The following BTNL3 variants were observed in gnomAD, a reference collection of about 807,000 sequenced individuals.
BTNL3 encodes butyrophilin-like protein 3.
Under a neutral mutation model 40.1 loss-of-function variants are expected in BTNL3, and 20 were observed. The ratio of observed to expected loss-of-function variants is 0.50; its 90% CI spans 0.35 to 0.72. The LOEUF (loss-of-function observed/expected upper bound fraction) is 0.72. BTNL3 is among the 30% of genes least tolerant of loss of function. The pLI, the probability that BTNL3 is intolerant of heterozygous loss-of-function variation, is 0.01. For missense variants in BTNL3, 449 were observed against 582.2 expected (o/e 0.77, Z 2.35); for synonymous variants, 179 against 222.1 (o/e 0.81, Z 1.73).
intron 3 of BTNL3, among the ~76,000 whole-genome samples, chr5:180,997,698 G>C (rs536360746): frequency 7.3e-6 from 1 of 137,254 alleles, no homozygotes; most frequent in Admixed American, 7.7e-5. Context: ...GTAGAATTAA[G>C]TATTTCCTTC....
chr5:180,998,885 G>A (rs1760069276), intron 3 of BTNL3, among the ~76,000 whole-genome samples: 1 of 137,442 alleles, frequency 7.3e-6, no homozygotes, highest in South Asian at 2.2e-4. Flanking sequence ...CCAGCACTTT[G>A]GAAGGCCAAG....
At chr5:180,993,229 T>G in intron 2 of BTNL3, 69 bp downstream of exon 2, 1 of 1,366,506 alleles carries the variant, frequency 7.3e-7, no homozygotes, top group Non-Finnish European at 9.9e-7. Context: ...TTAAAAGTAT[T>G]TCAGATAATG....
chr5:181,005,670 C>T lies in BTNL3; in HGVS notation c.1199C>T (p.Pro400Leu). ...TFNPHFISLP[P>L]STPPTRVGVF... ...AATCCCCATTTTATCAGCCTCCCCC[C>T]CAGCACCCCTCCTACACGAGTAGGG... Residue 400 changes from proline to leucine, a missense_variant, in exon 8 of 8, where the codon CCC (proline) becomes CTC (leucine). Pro to Leu is a moderately conservative substitution (Grantham distance 98). Transcript: ENST00000342868. The T allele has an allele frequency of 6.2e-7, 1 of 1,614,106 alleles. No individual in the cohort carries two copies. Among genetic ancestry groups the T allele is most frequent in the Non-Finnish European group, 8.5e-7 (1 of 1,180,008 alleles).
In BTNL3 at chr5:181,000,521, C is replaced by T. The variant is rs1473117476; in HGVS notation, c.674-2151C>T. 1.5e-5 allele frequency among the ~76,000 whole-genome samples: 2 copies of T among 136,994 alleles called. 1 individual carries two copies. Among genetic ancestry groups the T allele is most frequent in the Non-Finnish European group, 3.3e-5 (2 of 59,942 alleles). 89.9% of individuals were successfully genotyped at this position (136,994 alleles called of 152,430 possible). Reference sequence around the variant, plus strand: ...CATAATGTGTCATTTAAAATCATAACATAGGCCGGGCGCGGTGGCTCACGC... The same window carrying T: ...CATAATGTGTCATTTAAAATCATAATATAGGCCGGGCGCGGTGGCTCACGC... On this transcript the variant is annotated intron_variant, in intron 3 of 7. Transcript: ENST00000342868.
rs1759984116 is a variant in BTNL3 at position 180,992,677 on chromosome 5, G to A, written c.50-136G>A. Reference sequence around the variant, plus strand: ...AAGCATTCTCGCAAGTGTAAGATGTGCAAATGCAAGTCATCAGGTTTAGAA... The same window carrying A: ...AAGCATTCTCGCAAGTGTAAGATGTACAAATGCAAGTCATCAGGTTTAGAA... On this transcript the variant is annotated intron_variant, in intron 1 of 7. Transcript: ENST00000342868. The A allele has an allele frequency of 5.4e-6, 6 of 1,101,590 alleles. 1 individual carries two copies. In the Admixed American group the frequency reaches 1.5e-4, roughly 27 times the overall value. The allele number at this position is 1,101,590 out of a possible 1,614,324, so 68.2% of individuals were successfully genotyped here. A position where few individuals can be genotyped will look rare whatever the true frequency, so the allele number is the denominator to read the frequency against.
At chr5:181,003,121 C>T (rs933381565) in intron 4 of BTNL3, among the ~76,000 whole-genome samples, 1 of 135,846 alleles carries the variant, frequency 7.4e-6, no homozygotes, top group African/African-American at 2.5e-5. Flanking sequence ...TTTGGGAGGC[C>T]GATGTGGGAG....
At chr5:181,004,265 CTAAA>C (rs1760176154) in intron 5 of BTNL3, among the ~76,000 whole-genome samples, 148 bp from the exon 6 acceptor site, 1 of 147,606 alleles carries the variant, frequency 6.8e-6, no homozygotes, top group African/African-American at 2.5e-5. Context: ...GTATCAACCA[CTAAA>C]TAGTCTGCTT....
intron 4 of BTNL3, among the ~76,000 whole-genome samples, chr5:181,003,021 A>G (rs564521975): frequency 7.4e-6 from 1 of 135,610 alleles, no homozygotes; most frequent in South Asian, 2.2e-4. Flanking sequence ...GCACAGGATA[A>G]GCAGATAATT....
chr5:181,004,838 T>C (rs1167995565), intron 7 of BTNL3, 76 bp downstream of exon 7: 4 of 1,613,494 alleles, frequency 2.5e-6, no homozygotes, highest in Admixed American at 3.3e-5. Context: ...CCCATCCAGC[T>C]TGTAGACAGC....
At chr5:180,997,183 T>G (rs776456516) in intron 2 of BTNL3, 30 bp from the exon 3 acceptor site, 1 of 1,463,226 alleles carries the variant, frequency 6.8e-7, no homozygotes, top group Non-Finnish European at 9.4e-7. Context: ...ATTTGGTCTT[T>G]GCTTTCATCT....
At chr5:180,999,587 G>A (rs1045708434) in intron 3 of BTNL3, among the ~76,000 whole-genome samples, 1 of 136,822 alleles carries the variant, frequency 7.3e-6, no homozygotes, top group African/African-American at 2.5e-5. Context: ...ATCGCTTGAG[G>A]TCAGGAGTTT....
intron 4 of BTNL3, among the ~76,000 whole-genome samples, chr5:181,003,243 G>C (rs570429816): frequency 2.2e-5 from 3 of 134,378 alleles, no homozygotes; most frequent in African/African-American, 7.7e-5. Flanking sequence ...GTGGTGGTGC[G>C]TGACTGTGGT....
chr5:180,991,979 G>A (rs187263898), intron 1 of BTNL3, among the ~76,000 whole-genome samples: 5 of 137,650 alleles, frequency 3.6e-5, no homozygotes, highest in African/African-American at 5.0e-5. Flanking sequence ...AATTTGTGTT[G>A]GACCGTATTC....
rs1314984221 is a variant in BTNL3 at position 180,999,068 on chromosome 5, G to A, written c.673+1580G>A. ...CTTGAACCCGGGAGGCGGAGGTTGC[G>A]GTGAGCCGAGATCATGCCACTGCAC... On this transcript the variant is annotated intron_variant, in intron 3 of 7. Coordinates refer to ENST00000342868, the MANE Select transcript of BTNL3 (RefSeq NM_197975.3). Among the ~76,000 whole-genome samples, 18 of 135,966 alleles carry A rather than the reference G, an allele frequency of 1.3e-4. 5 individuals are homozygous for A. Among genetic ancestry groups the A allele is most frequent in the Admixed American group, 8.6e-4 (11 of 12,844 alleles). The allele number at this position is 135,966 out of a possible 152,430, so 89.2% of individuals were successfully genotyped here. A position where few individuals can be genotyped will look rare whatever the true frequency, so the allele number is the denominator to read the frequency against.
rs573691992 is a variant in BTNL3 at position 181,004,522 on chromosome 5, C to T, written c.835+79C>T. 85 of 851,060 alleles carry T rather than the reference C, an allele frequency of 1.0e-4. No homozygotes were observed. In the African/African-American group the frequency reaches 1.3e-3, roughly 13 times the overall value. 52.7% of individuals were successfully genotyped at this position (851,060 alleles called of 1,614,324 possible). A position where few individuals can be genotyped will look rare whatever the true frequency, so the allele number is the denominator to read the frequency against. Reference sequence around the variant, plus strand: ...TTTATGGATTTTTATATCCTGAGGCCCGTGGGTCCCTGCAGAGCCAAGCTT... The same window carrying T: ...TTTATGGATTTTTATATCCTGAGGCTCGTGGGTCCCTGCAGAGCCAAGCTT... On this transcript the variant is annotated intron_variant, in intron 6 of 7. Coordinates refer to ENST00000342868, the MANE Select transcript of BTNL3 (RefSeq NM_197975.3).
rs559442823 is a variant in BTNL3, at chr5:181,005,423, G to A, written c.952G>A (p.Val318Met). The change falls in exon 8 of 8, where the codon GTG (valine) becomes ATG (methionine). Residue 318 changes from valine (V) to methionine (M), a missense_variant. Around this residue, in one of 2 missense-constraint regions of BTNL3, gnomAD observed 323 missense variants for 464.9 expected, o/e 0.69. Coordinates refer to ENST00000342868, the MANE Select transcript of BTNL3 (RefSeq NM_197975.3). Reference protein sequence around the residue: ...TVTHRKAPQEVPHSEKRFTRK... With the variant: ...TVTHRKAPQEMPHSEKRFTRK... The stretch of plus-strand genomic sequence containing the variant: ...AACCCATAGAAAAGCTCCCCAGGAG[G>A]TGCCTCACTCTGAGAAGAGATTTAC... 6.8e-6 allele frequency: 11 copies of A among 1,613,938 alleles called. No homozygotes were observed. The highest frequency in any genetic ancestry group is 8.5e-6 in the Non-Finnish European group (10 of 1,180,010).
rs925793857 is a variant in BTNL3, at chr5:181,001,937, T to C, written c.674-735T>C. Among the ~76,000 whole-genome samples the C allele has an allele frequency of 5.9e-5, 8 of 134,528 alleles. 3 individuals are homozygous for C. The highest frequency in any genetic ancestry group is 1.4e-4 in the Non-Finnish European group (8 of 59,060). 88.3% of individuals were successfully genotyped at this position (134,528 alleles called of 152,430 possible). On this transcript the variant is annotated intron_variant, in intron 3 of 7. Transcript: ENST00000342868. ...AAAAAAAAAAGAAATCCTCCCACTTTGGCCTCCCAAACTGCTGGGTTTATA... is the reference window on the plus strand; with the variant it reads ...AAAAAAAAAAGAAATCCTCCCACTTCGGCCTCCCAAACTGCTGGGTTTATA...
At position 181,006,274 on chromosome 5, in the gene BTNL3, T is replaced by A. The variant is rs1347395088; in HGVS notation, c.*402T>A. ...AGATTAAAGAGACAACGAATGTGAA[T>A]CATGCTTGCAGGTTTGAGGGCACAG... On this transcript the variant is annotated 3_prime_UTR_variant, in exon 8 of 8. Coordinates refer to ENST00000342868, the MANE Select transcript of BTNL3 (RefSeq NM_197975.3). The A allele has an allele frequency of 2.7e-6, 1 of 376,984 alleles. No homozygotes were observed. The highest frequency in any genetic ancestry group is 4.7e-6 in the Non-Finnish European group (1 of 213,042). The allele number at this position is 376,984 out of a possible 1,614,324, so 23.4% of individuals were successfully genotyped here.
rs7716506 is a variant in BTNL3 at position 181,006,005 on chromosome 5, T to C, written c.*133T>C. ...GAGAGTCACGCCCCCCACTCTCCTTTAGGGAGCTGAGGTTCTTCTGCCCTG... is the reference window on the plus strand; with the variant it reads ...GAGAGTCACGCCCCCCACTCTCCTTCAGGGAGCTGAGGTTCTTCTGCCCTG... On this transcript the variant is annotated 3_prime_UTR_variant, in exon 8 of 8. Transcript: ENST00000342868. 0.065 allele frequency: 67,166 copies of C among 1,040,528 alleles called. 3,729 individuals are homozygous for C. Among genetic ancestry groups the C allele is most frequent in the African/African-American group, 0.26 (15,939 of 61,608 alleles). The allele number at this position is 1,040,528 out of a possible 1,614,324, so 64.5% of individuals were successfully genotyped here. A position where few individuals can be genotyped will look rare whatever the true frequency, so the allele number is the denominator to read the frequency against.
Sources: allele counts gnomAD v4.1 joint callset (sites outside exome capture counted in the v4.1 genomes callset), GRCh38; gene constraint gnomAD v4.1.1; regional missense constraint gnomAD v4.1.1; transcripts MANE v1.5; gene names NCBI Gene and HGNC (gene_info 2026-07-23, HGNC 2026-07-21).